Variants in EPCAM observed in about 807,000 individuals in gnomAD.
EPCAM encodes epithelial cell adhesion molecule, also known as adenocarcinoma-associated antigen.
A neutral mutation model predicts 40.0 loss-of-function variants in EPCAM; 39 were observed. The ratio of observed to expected loss-of-function variants is 0.98; its 90% CI spans 0.76 to 1.27. The LOEUF is 1.27. EPCAM is among the 50% of genes most tolerant of loss of function. The pLI is 0.00. For missense variants in EPCAM, 503 were observed against 381.2 expected, an observed-to-expected ratio of 1.32 and a Z score of -2.66; for synonymous variants, 168 against 132.3, an observed-to-expected ratio of 1.27 and a Z score of -1.85.
rs1671749977 is a variant in EPCAM, at chr2:47,386,647, T to A, written c.*34T>A. On this transcript the variant is annotated 3_prime_UTR_variant, in exon 9 of 9. Transcript: ENST00000263735. ...TTTGAAGATTATAGAAGAAGGGAAA[T>A]AGCAAATGGACACAAATTACAAATG... The A allele has an allele frequency of 6.6e-7, 1 of 1,507,956 alleles. No homozygotes were observed. Among genetic ancestry groups the A allele is most frequent in the Non-Finnish European group, 9.2e-7 (1 of 1,084,620 alleles). 93.4% of individuals were successfully genotyped at this position (1,507,956 alleles called of 1,614,324 possible). A position where few individuals can be genotyped will look rare whatever the true frequency, so the allele number is the denominator to read the frequency against.
chr2:47,385,049 G>A (rs1671705047), intron 7 of EPCAM, 117 bp from the exon 8 acceptor site: 3 of 824,842 alleles, frequency 3.6e-6, no homozygotes, highest in African/African-American at 3.4e-5. Context: ...ATGGATAGAT[G>A]TTAAAATTAG....
chr2:47,374,242 T>C (rs531720617), intron 3 of EPCAM, among the ~76,000 whole-genome samples, 194 bp downstream of exon 3: 15 of 152,344 alleles, frequency 9.8e-5, no homozygotes, highest in Non-Finnish European at 2.1e-4. Context: ...TTGATTATTC[T>C]ATAACCTTCC....
chr2:47,374,207 T>C (rs1202708101), intron 3 of EPCAM, among the ~76,000 whole-genome samples, 159 bp downstream of exon 3: 1 of 152,186 alleles, frequency 6.6e-6, no homozygotes, highest in African/African-American at 2.4e-5. Context: ...TCGCTACCCA[T>C]TGGACCTCCA....
At chr2:47,380,391 T>G (rs1426425698) in intron 7 of EPCAM, among the ~76,000 whole-genome samples, 1 of 152,206 alleles carries the variant, frequency 6.6e-6, no homozygotes, top group African/African-American at 2.4e-5. Context: ...ATCTTCATTT[T>G]TAAATAATTT....
chr2:47,377,127 T>A, intron 5 of EPCAM, 50 bp downstream of exon 5: 1 of 1,215,996 alleles, frequency 8.2e-7, no homozygotes, highest in Non-Finnish European at 1.2e-6. Context: ...TGAGACAGTA[T>A]GTTTTGAGTA....
At chr2:47,376,241 C>G (rs1447231220) in intron 4 of EPCAM, among the ~76,000 whole-genome samples, 1 of 146,174 alleles carries the variant, frequency 6.8e-6, no homozygotes, top group Non-Finnish European at 1.5e-5. Flanking sequence ...TTTGATTTGT[C>G]TGATATTTCC....
intron 1 of EPCAM, chr2:47,369,796 C>T: frequency 1.5e-6 from 1 of 686,336 alleles, no homozygotes; most frequent in Non-Finnish European, 2.7e-6. Context: ...CACTTCGCAG[C>T]TTTGCTCGCC....
chr2:47,376,145 A>T (rs945209717), intron 4 of EPCAM, among the ~76,000 whole-genome samples: 2 of 151,884 alleles, frequency 1.3e-5, no homozygotes, highest in Non-Finnish European at 2.9e-5. Context: ...TTAATATCGA[A>T]CAGTTTCTTG....
chr2:47,371,792 G>A (rs1423844296), intron 1 of EPCAM, among the ~76,000 whole-genome samples: 1 of 152,164 alleles, frequency 6.6e-6, no homozygotes, highest in Non-Finnish European at 1.5e-5. Flanking sequence ...TGTGACCCCA[G>A]TATTGAGTTT....
chr2:47,375,243 CATT>C lies in EPCAM; in HGVS notation c.436_438del (p.Ile146del). Reference sequence around the variant, plus strand: ...TCTTTTTACTTTATAGCTGGATCATCATTGAACTAAAACACAAAGCAAGAGAAA... The same window carrying C: ...TCTTTTTACTTTATAGCTGGATCATCGAACTAAAACACAAAGCAAGAGAAA... On this transcript the variant is annotated inframe_deletion, in exon 4 of 9. Coordinates refer to ENST00000263735, the MANE Select transcript of EPCAM (RefSeq NM_002354.3). 1 of 1,609,154 alleles carries C rather than the reference CATT, an allele frequency of 6.2e-7. No homozygotes were observed. The highest frequency in any genetic ancestry group is 1.1e-5 in the South Asian group (1 of 90,950).
chr2:47,373,377 G>A lies in EPCAM; in HGVS notation c.77-86G>A. The A allele has an allele frequency of 4.7e-6, 4 of 857,132 alleles. 1 individual carries two copies. Among genetic ancestry groups the A allele is most frequent in the South Asian group, 2.9e-5 (2 of 67,908 alleles). The allele number at this position is 857,132 out of a possible 1,614,324, so 53.1% of individuals were successfully genotyped here. A position where few individuals can be genotyped will look rare whatever the true frequency, so the allele number is the denominator to read the frequency against. Reference sequence around the variant, plus strand: ...AAGGTTTTGTGTCCTTGTAACTTTAGGCATTATTATTACAATATAACTTAG... The same window carrying A: ...AAGGTTTTGTGTCCTTGTAACTTTAAGCATTATTATTACAATATAACTTAG... On this transcript the variant is annotated intron_variant, in intron 1 of 8. Transcript: ENST00000263735.
intron 7 of EPCAM, 64 bp from the exon 8 acceptor site, chr2:47,385,102 T>A: frequency 8.4e-7 from 1 of 1,195,458 alleles, no homozygotes; most frequent in African/African-American, 1.5e-5. Flanking sequence ...AGCATATATG[T>A]CTGTTTAGAT....
intron 7 of EPCAM, among the ~76,000 whole-genome samples, chr2:47,382,784 G>T (rs1284611227): frequency 1.3e-5 from 2 of 152,148 alleles, no homozygotes; most frequent in African/African-American, 4.8e-5. Flanking sequence ...CTACGATAGG[G>T]AATAATGTGA....
chr2:47,374,274 T>C (rs1671364122), intron 3 of EPCAM, among the ~76,000 whole-genome samples: 1 of 152,206 alleles, frequency 6.6e-6, no homozygotes, highest in Non-Finnish European at 1.5e-5. Flanking sequence ...ATGAATTTGT[T>C]ATATATCTGT....
rs878854495 is a variant in EPCAM, at chr2:47,379,946, G to T, written c.835G>T (p.Val279Phe). The change falls in exon 7 of 9, where the codon GTT becomes TTT. Residue 279 changes from valine (V) to phenylalanine (F), a missense_variant. By Grantham distance (50) the Val-to-Phe change is conservative (BLOSUM62 -1). Coordinates refer to ENST00000263735, the MANE Select transcript of EPCAM (RefSeq NM_002354.3). ...TGTTATTGTGGTTGTGGTGATAGCA[G>T]TTGTTGCTGGAATTGTTGTGCTGGT... ...IAVIVVVVIA[V>F]VAGIVVLVIS... is the part of the protein sequence containing the mutation. The T allele has an allele frequency of 6.2e-7, 1 of 1,613,100 alleles. No homozygotes were observed. Among genetic ancestry groups the T allele is most frequent in the African/African-American group, 1.3e-5 (1 of 74,882 alleles).
intron 7 of EPCAM, chr2:47,383,241 G>C (rs1671641257): frequency 6.6e-6 from 1 of 150,932 alleles, no homozygotes; most frequent in Admixed American, 6.6e-5. Context: ...GGGAGGCGGA[G>C]CTTGCAGTGA....
chr2:47,369,738 G>C (rs879892379), intron 1 of EPCAM, 157 bp downstream of exon 1: 27 of 812,092 alleles, frequency 3.3e-5, no homozygotes, highest in Non-Finnish European at 5.3e-5. Context: ...TCCGGCTCAG[G>C]CCCTCCGCGC....
rs141858612 is a variant in EPCAM at position 47,370,360 on chromosome 2, C to T, written c.76+779C>T. On this transcript the variant is annotated intron_variant, in intron 1 of 8. Coordinates refer to ENST00000263735, the MANE Select transcript of EPCAM (RefSeq NM_002354.3). ...GATCTCGGCTCACTGCAACTTTCGC[C>T]TCCCGGGTTCAAGTGATTCTCCTGC... 3.7e-3 allele frequency among the ~76,000 whole-genome samples: 565 copies of T among 151,532 alleles called. 1 individual carries two copies. The highest frequency in any genetic ancestry group is 0.017 in the Middle Eastern group (5 of 290).
intron 1 of EPCAM, among the ~76,000 whole-genome samples, chr2:47,371,155 G>C (rs780622384): frequency 6.6e-6 from 1 of 151,580 alleles, no homozygotes; most frequent in Non-Finnish European, 1.5e-5. Flanking sequence ...TTAAAAACAA[G>C]ATTTAAAATG....
Sources: allele counts gnomAD v4.1 joint callset (sites outside exome capture counted in the v4.1 genomes callset), GRCh38; gene constraint gnomAD v4.1.1; transcripts MANE v1.5; gene names NCBI Gene and HGNC (gene_info 2026-07-23, HGNC 2026-07-21).